The following DTD1 variants were observed in gnomAD, a reference collection of about 807,000 sequenced individuals.
The protein encoded by DTD1 is D-aminoacyl-tRNA deacylase 1.
DTD1 carries 13 observed loss-of-function variants against 25.6 expected under a neutral mutation model. That is an observed-to-expected ratio of 0.51 (90% CI 0.33 to 0.81). The LOEUF is 0.81. Ranked by LOEUF, DTD1 falls within the 30% of genes least tolerant of loss-of-function variation. DTD1 has a pLI of 0.02. For synonymous variants in DTD1, 110 were observed against 103.6 expected, an observed-to-expected ratio of 1.06 and a Z score of -0.37; for missense variants, 193 against 266.4, an observed-to-expected ratio of 0.72 and a Z score of 1.92.
chr20:18,683,402 A>T (rs1281102645), intron 4 of DTD1, among the ~76,000 whole-genome samples: 1 of 152,118 alleles, frequency 6.6e-6, no homozygotes. Flanking sequence ...GGTATTTCAG[A>T]TTTCAAGATT....
chr20:18,620,404 C>T (rs1364488667), intron 3 of DTD1, among the ~76,000 whole-genome samples: 2 of 152,204 alleles, frequency 1.3e-5, no homozygotes, highest in African/African-American at 4.8e-5. Context: ...CCAACCTATG[C>T]CACTGTGGGC....
At chr20:18,754,860 C>G (rs2061333069) in intron 5 of DTD1, among the ~76,000 whole-genome samples, 1 of 152,250 alleles carries the variant, frequency 6.6e-6, no homozygotes. Context: ...GGAACAGTGT[C>G]CACTGCTGGC....
At chr20:18,723,284 G>T (rs1010494302) in intron 4 of DTD1, among the ~76,000 whole-genome samples, 2 of 152,186 alleles carry the variant, frequency 1.3e-5, no homozygotes, top group Admixed American at 1.3e-4. Flanking sequence ...CAGGAGGAGT[G>T]CTAAGTCACC....
chr20:18,676,932 T>A (rs1409675092), intron 4 of DTD1, among the ~76,000 whole-genome samples: 2 of 152,182 alleles, frequency 1.3e-5, no homozygotes, highest in Admixed American at 6.5e-5. Context: ...GAACTCACAT[T>A]TACCAGCTCC....
At chr20:18,608,227 A>C (rs1600314676) in intron 3 of DTD1, among the ~76,000 whole-genome samples, 1 of 149,392 alleles carries the variant, frequency 6.7e-6, no homozygotes, top group African/African-American at 2.5e-5. Flanking sequence ...CCTCTGTTTC[A>C]TTTTCGATAT....
At chr20:18,714,810 T>G (rs1311722251) in intron 4 of DTD1, among the ~76,000 whole-genome samples, 1 of 152,246 alleles carries the variant, frequency 6.6e-6, no homozygotes, top group Non-Finnish European at 1.5e-5. Context: ...ACTAATTTCC[T>G]ATTTCAACTA....
intron 3 of DTD1, among the ~76,000 whole-genome samples, chr20:18,625,103 A>G (rs567568978): frequency 1.3e-5 from 2 of 152,246 alleles, no homozygotes; most frequent in African/African-American, 4.8e-5. Context: ...TGTAGATACC[A>G]CCTCTGCGCT....
At chr20:18,712,541 G>C (rs917300734) in intron 4 of DTD1, among the ~76,000 whole-genome samples, 14 of 152,090 alleles carry the variant, frequency 9.2e-5, no homozygotes, top group Admixed American at 2.6e-4. Flanking sequence ...TGGATCATAA[G>C]TCAGCATGGA....
At chr20:18,725,990 G>A (rs530725544) in intron 4 of DTD1, among the ~76,000 whole-genome samples, 6 of 152,198 alleles carry the variant, frequency 3.9e-5, no homozygotes, top group African/African-American at 1.4e-4. Flanking sequence ...GGGTACTGTG[G>A]TCAGTTCTAG....
chr20:18,742,826 T>G (rs1354368731), intron 4 of DTD1, among the ~76,000 whole-genome samples: 2 of 152,198 alleles, frequency 1.3e-5, no homozygotes, highest in South Asian at 2.1e-4. Flanking sequence ...GAAGAAATGA[T>G]CTGGCAGATT....
chr20:18,633,829 C>T (rs2060797491), intron 4 of DTD1, among the ~76,000 whole-genome samples: 1 of 152,158 alleles, frequency 6.6e-6, no homozygotes, highest in African/African-American at 2.4e-5. Context: ...TAAAGGTAAC[C>T]AGCAGTTTGC....
intron 4 of DTD1, among the ~76,000 whole-genome samples, chr20:18,720,384 G>A (rs549348535): frequency 5.9e-5 from 9 of 152,240 alleles, no homozygotes; most frequent in African/African-American, 2.2e-4. Flanking sequence ...TTCGAAAGTA[G>A]GCCTCCTTCC....
At chr20:18,680,273 C>T (rs2122410340) in intron 4 of DTD1, among the ~76,000 whole-genome samples, 1 of 152,130 alleles carries the variant, frequency 6.6e-6, no homozygotes, top group Middle Eastern at 3.4e-3. Flanking sequence ...CATCCTCGAC[C>T]TCTCAGGCTC....
intron 4 of DTD1, among the ~76,000 whole-genome samples, chr20:18,685,409 G>A (rs1343657841): frequency 6.6e-6 from 1 of 152,234 alleles, no homozygotes; most frequent in African/African-American, 2.4e-5. Flanking sequence ...CATGACGGGT[G>A]TATGTGAGAG....
At chr20:18,755,111 G>C (rs2061333882) in intron 5 of DTD1, among the ~76,000 whole-genome samples, 1 of 152,128 alleles carries the variant, frequency 6.6e-6, no homozygotes. Context: ...TTCTCTAGTA[G>C]GGAATAGAAA....
At chr20:18,717,977 G>A (rs1328594582) in intron 4 of DTD1, among the ~76,000 whole-genome samples, 1 of 152,194 alleles carries the variant, frequency 6.6e-6, no homozygotes, top group Non-Finnish European at 1.5e-5. Context: ...GGAAAATGTA[G>A]CTAAAAGATG....
intron 5 of DTD1, among the ~76,000 whole-genome samples, chr20:18,762,876 T>C (rs2061368297): frequency 6.6e-6 from 1 of 152,114 alleles, no homozygotes; most frequent in Non-Finnish European, 1.5e-5. Flanking sequence ...TTGTTTTGGA[T>C]TTACTTTGCT....
In DTD1 at chr20:18,641,275, A is replaced by G. The variant is rs1470857198; in HGVS notation, c.477+13042A>G. On this transcript the variant is annotated intron_variant, in intron 4 of 5. Transcript: ENST00000377452. Reference sequence around the variant, plus strand: ...ACACTTGGGTTGTTTCCACTTTTTCATTATTGTGAATAGCGCTGCTGTTAA... The same window carrying G: ...ACACTTGGGTTGTTTCCACTTTTTCGTTATTGTGAATAGCGCTGCTGTTAA... Among the ~76,000 whole-genome samples the G allele has an allele frequency of 5.9e-5, 9 of 152,150 alleles. No homozygotes were observed. In the South Asian group the frequency reaches 1.7e-3, roughly 28 times the overall value.
chr20:18,689,839 A>T (rs937925721), intron 4 of DTD1, among the ~76,000 whole-genome samples: 1 of 152,160 alleles, frequency 6.6e-6, no homozygotes, highest in Admixed American at 6.5e-5. Flanking sequence ...TTTTTTCATA[A>T]GTTTAAATTT....
Sources: allele counts gnomAD v4.1 joint callset (sites outside exome capture counted in the v4.1 genomes callset), GRCh38; gene constraint gnomAD v4.1.1; transcripts MANE v1.5; gene names NCBI Gene and HGNC (gene_info 2026-07-23, HGNC 2026-07-21).